COQ8B: variants seen among roughly 807,000 people sequenced by gnomAD.
COQ8B encodes atypical kinase COQ8B, mitochondrial.
A neutral mutation model predicts 62.0 loss-of-function variants in COQ8B; 44 were observed. The observed-to-expected ratio is 0.71, with a 90% CI of 0.56 to 0.91. The LOEUF is 0.91. Among genes scored for constraint, COQ8B ranks in the 40% least tolerant of loss-of-function variants. COQ8B has a pLI of 0.00. For missense variants in COQ8B, 649 were observed against 731.6 expected, an observed-to-expected ratio of 0.89 and a Z score of 1.30; for synonymous variants, 252 against 289.9, an observed-to-expected ratio of 0.87 and a Z score of 1.33.
intron 10 of COQ8B, 141 bp from the exon 11 acceptor site, chr19:40,700,592 C>G: frequency 9.2e-7 from 1 of 1,085,702 alleles, no homozygotes; most frequent in Non-Finnish European, 1.3e-6. Context: ...TTGCTGCTGT[C>G]TGCCCTGGGT....
intron 5 of COQ8B, among the ~76,000 whole-genome samples, chr19:40,709,480 G>C (rs1223193371): frequency 2.0e-5 from 3 of 152,182 alleles, no homozygotes; most frequent in Admixed American, 1.3e-4. Context: ...GACCCTCGCT[G>C]GCACTTCTAT....
intron 5 of COQ8B, among the ~76,000 whole-genome samples, chr19:40,706,323 T>C (rs995079818): frequency 1.3e-5 from 2 of 152,210 alleles, no homozygotes; most frequent in African/African-American, 4.8e-5. Flanking sequence ...AACATTAAGA[T>C]GTTATTTTCC....
chr19:40,697,851 T>TATATATATAGAGAGAGAGAGAGAGAGAG (rs1446181673), intron 12 of COQ8B, among the ~76,000 whole-genome samples: 12 of 54,720 alleles, frequency 2.2e-4, no homozygotes, highest in Non-Finnish European at 3.1e-4. Flanking sequence ...TATATATATA[T>TATATATATAGAGAGAGAGAGAGAGAGAG]AGAGAGAGAG....
chr19:40,709,836 C>T (rs768119077), intron 5 of COQ8B, among the ~76,000 whole-genome samples: 1 of 151,934 alleles, frequency 6.6e-6, no homozygotes, highest in Non-Finnish European at 1.5e-5. Flanking sequence ...AGTGAGACTC[C>T]ATCTCAAATT....
chr19:40,698,677 C>G (rs2082038101), intron 12 of COQ8B, among the ~76,000 whole-genome samples: 1 of 152,056 alleles, frequency 6.6e-6, no homozygotes, highest in East Asian at 1.9e-4. Context: ...AAAGAAGAGG[C>G]AAGGGACTAG....
chr19:40,705,733 G>A (rs1239511018), intron 5 of COQ8B, among the ~76,000 whole-genome samples: 2 of 152,158 alleles, frequency 1.3e-5, no homozygotes, highest in African/African-American at 4.8e-5. Flanking sequence ...CTTGAGTCAA[G>A]GAGTTCCAGA....
intron 12 of COQ8B, among the ~76,000 whole-genome samples, chr19:40,697,849 T>TAGAGAGAGAGAGAGAGAGAGAGAGAG (rs1224275474): frequency 2.0e-4 from 12 of 60,700 alleles, no homozygotes; most frequent in African/African-American, 3.2e-4. Context: ...TATATATATA[T>TAGAGAGAGAGAGAGAGAGAGAGAGAG]ATAGAGAGAG....
chr19:40,695,419 C>T (rs2082007318), intron 13 of COQ8B, among the ~76,000 whole-genome samples: 1 of 151,976 alleles, frequency 6.6e-6, no homozygotes, highest in Non-Finnish European at 1.5e-5. Flanking sequence ...ATCTCAACAA[C>T]GAATGAAATG....
At chr19:40,696,087 G>A in intron 12 of COQ8B, 33 bp from the exon 13 acceptor site, 1 of 1,607,438 alleles carries the variant, frequency 6.2e-7, no homozygotes, top group South Asian at 1.1e-5. Context: ...GGAATGCTGG[G>A]ATCCCATTCA....
rs746819385 is a variant in COQ8B, at chr19:40,714,192, AGCCACTCT to A, written c.223-67_223-60del. The A allele has an allele frequency of 1.4e-5, 22 of 1,610,248 alleles. No homozygotes were observed. In the African/African-American group the frequency reaches 2.9e-4, roughly 21 times the overall value. On this transcript the variant is annotated intron_variant, in intron 3 of 14. Coordinates refer to ENST00000324464, the MANE Select transcript of COQ8B (RefSeq NM_024876.4). ...AGTGGGCATCGTGGCCAGAGAGTGC[AGCCACTCT>A]GCCACCACACCCTTCCCCAAGCTCA...
chr19:40,695,321 T>TAAAAAAAAAAAAAAG (rs2082005773), intron 13 of COQ8B, among the ~76,000 whole-genome samples: 1 of 64,334 alleles, frequency 1.6e-5, no homozygotes, highest in Non-Finnish European at 3.4e-5. Flanking sequence ...CTGTCTCAAT[T>TAAAAAAAAAAAAAAG]AAAAAAAAAA....
chr19:40,715,504 C>T, intron 1 of COQ8B: 2 of 985,500 alleles, frequency 2.0e-6, no homozygotes, highest in Non-Finnish European at 1.2e-6. Flanking sequence ...AAACATTTCC[C>T]TTGCACATGG....
At chr19:40,703,236 G>C in intron 9 of COQ8B, 1 of 381,742 alleles carries the variant, frequency 2.6e-6, no homozygotes, top group Non-Finnish European at 4.8e-6. Flanking sequence ...CCCCAGGACT[G>C]TCCTTTTCTG....
rs555379105 is a variant in COQ8B, at chr19:40,697,572, G to A, written c.1144-1518C>T. The stretch of plus-strand genomic sequence containing the variant: ...AGCATTTTGGGAGGCTGAGGGGGGC[G>A]GATCACCTGAGGTCAGGAGTTCAAG... On this transcript the variant is annotated intron_variant, in intron 12 of 14. Coordinates refer to ENST00000324464, the MANE Select transcript of COQ8B (RefSeq NM_024876.4). Among the ~76,000 whole-genome samples, 3 of 152,036 alleles carry A rather than the reference G, an allele frequency of 2.0e-5. No individual in the cohort carries two copies. In the East Asian group the frequency reaches 5.8e-4, roughly 30 times the overall value.
chr19:40,703,556 C>T lies in COQ8B; in HGVS notation c.784G>A (p.Ala262Thr), dbSNP rs539144662. 3.5e-5 allele frequency: 56 copies of T among 1,607,360 alleles called. No individual in the cohort carries two copies. The highest frequency in any genetic ancestry group is 5.5e-5 in the South Asian group (5 of 90,234). ...GGCGCCTCACCCGCGGGCAGGGCCG[C>T]GCTCATCTTGAGTACCGCCAGCAGG... The part of the protein sequence containing the change: ...QNLLAVLKMS[A>T]ALPAGLFAEQ... Residue 262 changes from alanine (A) to threonine (T), a missense_variant, in exon 9 of 15, where the codon GCG becomes ACG. Coordinates refer to ENST00000324464, the MANE Select transcript of COQ8B (RefSeq NM_024876.4).
Position 40,691,958 on chromosome 19 carries a change from G to A in COQ8B, c.*77C>T. 1 of 1,382,584 alleles carries A rather than the reference G, an allele frequency of 7.2e-7. No homozygotes were observed. Among genetic ancestry groups the A allele is most frequent in the Non-Finnish European group, 9.6e-7 (1 of 1,043,730 alleles). 85.6% of individuals were successfully genotyped at this position (1,382,584 alleles called of 1,614,324 possible). On this transcript the variant is annotated 3_prime_UTR_variant, in exon 15 of 15. Transcript: ENST00000324464. ...AGCCCAAGGGGGCTCCTCTGACCCA[G>A]GGCAGACGGGGAAGGGATAAGAGGC...
chr19:40,692,309 G>A lies in COQ8B; in HGVS notation c.1361C>T (p.Pro454Leu). 1.2e-6 allele frequency: 2 copies of A among 1,613,784 alleles called. No homozygotes were observed. Among genetic ancestry groups the A allele is most frequent in the Non-Finnish European group, 1.7e-6 (2 of 1,179,858 alleles). Residue 454 changes from proline (P) to leucine (L), a missense_variant, in exon 15 of 15, where the codon CCT becomes CTT. Coordinates refer to ENST00000324464, the MANE Select transcript of COQ8B (RefSeq NM_024876.4). ...CGTTTCCCCCGACCCAAAGTCATAA[G>A]GGCCCTGGGTGGCGAAAGGCTCCCC... is the stretch of plus-strand genomic sequence containing the variant. The part of the protein sequence containing the change: ...ILGEPFATQG[P>L]YDFGSGETAR...
intron 5 of COQ8B, among the ~76,000 whole-genome samples, chr19:40,707,325 C>G (rs1295107659): frequency 6.6e-6 from 1 of 151,852 alleles, no homozygotes; most frequent in Non-Finnish European, 1.5e-5. Flanking sequence ...TCTTCATTTC[C>G]CCCAATCTCC....
At chr19:40,694,012 A>T in intron 13 of COQ8B, among the ~76,000 whole-genome samples, 1 of 152,248 alleles carries the variant, frequency 6.6e-6, no homozygotes, top group East Asian at 1.9e-4. Flanking sequence ...CAGGGCTTTT[A>T]TAAAGTGGCA....
Sources: gnomAD v4.1 joint callset for allele counts (sites outside exome capture counted in the v4.1 genomes callset) on GRCh38, gnomAD v4.1.1 for gene constraint, MANE v1.5 for transcripts, NCBI Gene and HGNC (gene_info 2026-07-23, HGNC 2026-07-21) for gene names.